PID1: variants seen among roughly 807,000 people sequenced by gnomAD.
PID1 encodes phosphotyrosine interaction domain containing 1, also known as PTB-containing, cubilin and LRP1-interacting protein.
Under a neutral mutation model 19.1 loss-of-function variants are expected in PID1, and 10 were observed. The observed-to-expected ratio is 0.52, with a 90% confidence interval of 0.32 to 0.89. The LOEUF (loss-of-function observed/expected upper bound fraction) is 0.89. PID1 is among the 40% of genes least tolerant of loss of function. PID1 has a pLI of 0.03. For synonymous variants in PID1, 130 were observed against 116.0 expected, an observed-to-expected ratio of 1.12 and a Z score of -0.78; for missense variants, 248 against 285.3, an observed-to-expected ratio of 0.87 and a Z score of 0.94.
chr2:229,140,311 G>A (rs1041748025), intron 2 of PID1, among the ~76,000 whole-genome samples: 1 of 152,078 alleles, frequency 6.6e-6, no homozygotes, highest in Non-Finnish European at 1.5e-5. Flanking sequence ...CTAAGGGAGG[G>A]TGGGCATCCT....
At chr2:229,119,690 A>G (rs1363079994) in intron 2 of PID1, among the ~76,000 whole-genome samples, 1 of 152,194 alleles carries the variant, frequency 6.6e-6, no homozygotes, top group Non-Finnish European at 1.5e-5. Context: ...TTTATGTGTC[A>G]AGTTGACTAA....
rs565759128 is a variant in PID1, at chr2:229,158,113, A to G, written c.31-2149T>C. On this transcript the variant is annotated intron_variant, in intron 1 of 2. Coordinates refer to ENST00000392055, the MANE Select transcript of PID1 (RefSeq NM_001100818.2). Reference sequence around the variant, plus strand: ...TTTAAAGTAGGCACTGCACAATGTAAATTCATGCTCAGAATCTAAATGTTT... The same window carrying G: ...TTTAAAGTAGGCACTGCACAATGTAGATTCATGCTCAGAATCTAAATGTTT... Among the ~76,000 whole-genome samples, 12 of 152,364 alleles carry G rather than the reference A, an allele frequency of 7.9e-5. No individual in the cohort carries two copies. In the South Asian group the frequency reaches 2.5e-3, roughly 32 times the overall value.
At chr2:229,141,029 T>C (rs972291343) in intron 2 of PID1, among the ~76,000 whole-genome samples, 1 of 151,700 alleles carries the variant, frequency 6.6e-6, no homozygotes, top group Admixed American at 6.6e-5. Context: ...CCTTTGACTC[T>C]CTTTGTCTCA....
chr2:229,169,810 C>G (rs891086778), intron 1 of PID1, among the ~76,000 whole-genome samples: 1 of 152,152 alleles, frequency 6.6e-6, no homozygotes, highest in Admixed American at 6.5e-5. Context: ...GAAAAACTAC[C>G]CAGAATTGCA....
chr2:229,097,707 C>G (rs1008507979), intron 2 of PID1, among the ~76,000 whole-genome samples: 1 of 152,106 alleles, frequency 6.6e-6, no homozygotes, highest in African/African-American at 2.4e-5. Flanking sequence ...ATCACTATTT[C>G]TCTTGTAAGT....
Position 229,188,223 on chromosome 2 carries a change from C to T in PID1, c.31-32259G>A, listed in dbSNP as rs191403112. Among the ~76,000 whole-genome samples, 269 of 152,066 alleles carry T rather than the reference C, an allele frequency of 1.8e-3. 1 individual carries two copies. Among genetic ancestry groups the T allele is most frequent in the African/African-American group, 6.1e-3 (252 of 41,484 alleles). Reference sequence around the variant, plus strand: ...CCTATCCTGCTTTGACCTTGTCCAACTGGCTTCCATTCATTTCTTGGTGGT... The same window carrying T: ...CCTATCCTGCTTTGACCTTGTCCAATTGGCTTCCATTCATTTCTTGGTGGT... On this transcript the variant is annotated intron_variant, in intron 1 of 2. Coordinates refer to ENST00000392055, the MANE Select transcript of PID1 (RefSeq NM_001100818.2).
intron 1 of PID1, among the ~76,000 whole-genome samples, chr2:229,211,200 A>C (rs1192097639): frequency 6.6e-6 from 1 of 152,158 alleles, no homozygotes; most frequent in Admixed American, 6.6e-5. Context: ...GTTGAGCACA[A>C]ATCAGAGTGG....
intron 1 of PID1, among the ~76,000 whole-genome samples, chr2:229,241,161 T>C (rs1409756700): frequency 6.6e-6 from 1 of 152,150 alleles, no homozygotes; most frequent in Non-Finnish European, 1.5e-5. Flanking sequence ...TTAAAGCATT[T>C]GCTATTCCCA....
chr2:229,267,562 G>C (rs2106296752), intron 1 of PID1, among the ~76,000 whole-genome samples: 1 of 152,296 alleles, frequency 6.6e-6, no homozygotes, highest in Admixed American at 6.5e-5. Flanking sequence ...CTTTAAGGAT[G>C]TGTTGACCTC....
In PID1 at chr2:229,127,729, G is replaced by T. The variant is rs150888758; in HGVS notation, c.177+28089C>A. ...ATGAACAAAAATGTCTCCAGACATT[G>T]CCAAATGTTGCAGAGGGACTAAAGC... On this transcript the variant is annotated intron_variant, in intron 2 of 2. Coordinates refer to ENST00000392055, the MANE Select transcript of PID1 (RefSeq NM_001100818.2). Among the ~76,000 whole-genome samples, 27 of 152,256 alleles carry T rather than the reference G, an allele frequency of 1.8e-4. No individual in the cohort carries two copies. In the East Asian group the frequency reaches 4.8e-3, roughly 27 times the overall value.
chr2:229,208,366 T>A (rs2106246953), intron 1 of PID1, among the ~76,000 whole-genome samples: 1 of 152,354 alleles, frequency 6.6e-6, no homozygotes, highest in South Asian at 2.1e-4. Context: ...TCCCATCTGG[T>A]TTACCTTGGA....
intron 1 of PID1, among the ~76,000 whole-genome samples, chr2:229,208,518 G>A (rs1404977338): frequency 6.6e-6 from 1 of 152,124 alleles, no homozygotes; most frequent in African/African-American, 2.4e-5. Context: ...CATGCAAAAG[G>A]CAGCCACATT....
chr2:229,055,658 T>C (rs1253038223), intron 2 of PID1, among the ~76,000 whole-genome samples: 1 of 152,228 alleles, frequency 6.6e-6, no homozygotes, highest in African/African-American at 2.4e-5. Context: ...AAATACAGCA[T>C]GTGTTAAATT....
intron 2 of PID1, among the ~76,000 whole-genome samples, chr2:229,119,914 C>T (rs963638139): frequency 3.9e-5 from 6 of 152,012 alleles, no homozygotes; most frequent in Admixed American, 2.0e-4. Flanking sequence ...GTGCTTGAGC[C>T]GGGACATCTA....
chr2:229,248,543 C>T (rs1264102303), intron 1 of PID1, among the ~76,000 whole-genome samples: 1 of 152,198 alleles, frequency 6.6e-6, no homozygotes, highest in African/African-American at 2.4e-5. Flanking sequence ...ACCTGTCCCA[C>T]ATAAAACATT....
chr2:229,073,552 C>T (rs1337490617), intron 2 of PID1, among the ~76,000 whole-genome samples: 1 of 152,172 alleles, frequency 6.6e-6, no homozygotes, highest in Non-Finnish European at 1.5e-5. Context: ...CCCTATCCCC[C>T]ACGTATTTTG....
chr2:229,209,122 A>G (rs1047830281), intron 1 of PID1, among the ~76,000 whole-genome samples: 2 of 152,214 alleles, frequency 1.3e-5, no homozygotes, highest in African/African-American at 4.8e-5. Flanking sequence ...TGAGAGGGCC[A>G]CATCTTATGC....
chr2:229,226,648 C>A (rs1395329880), intron 1 of PID1, among the ~76,000 whole-genome samples: 1 of 152,152 alleles, frequency 6.6e-6, no homozygotes, highest in Non-Finnish European at 1.5e-5. Flanking sequence ...CACCAACACC[C>A]AAGTGTACGA....
intron 1 of PID1, among the ~76,000 whole-genome samples, chr2:229,178,943 G>T (rs559643929): frequency 5.3e-5 from 8 of 152,156 alleles, no homozygotes; most frequent in African/African-American, 1.9e-4. Flanking sequence ...CCAGGGTGAG[G>T]CCCCAACCCA....
Sources: gnomAD v4.1 joint callset for allele counts (sites outside exome capture counted in the v4.1 genomes callset) on GRCh38, gnomAD v4.1.1 for gene constraint, MANE v1.5 for transcripts, NCBI Gene and HGNC (gene_info 2026-07-23, HGNC 2026-07-21) for gene names.